KLHL29: variants seen among roughly 807,000 people sequenced by gnomAD.
KLHL29 encodes the protein kelch-like protein 29.
In KLHL29, 21 loss-of-function variants were observed where a neutral mutation model predicts 80.4. The ratio of observed to expected loss-of-function variants is 0.26; its 90% confidence interval spans 0.19 to 0.38. KLHL29 has a LOEUF of 0.38. Ranked by LOEUF, KLHL29 falls within the 10% of genes least tolerant of loss-of-function variation. KLHL29 has a pLI of 1.00. For synonymous variants in KLHL29, 511 were observed against 526.8 expected, an observed-to-expected ratio of 0.97 and a Z score of 0.41; for missense variants, 867 against 1,223.9, an observed-to-expected ratio of 0.71 and a Z score of 4.35.
intron 2 of KLHL29, among the ~76,000 whole-genome samples, chr2:23,557,019 C>T (rs1162479664): frequency 6.6e-6 from 1 of 152,220 alleles, no homozygotes; most frequent in Non-Finnish European, 1.5e-5. Flanking sequence ...GCTCTGTCCC[C>T]CTTGGTGAAG....
intron 1 of KLHL29, among the ~76,000 whole-genome samples, chr2:23,432,770 G>A (rs531446326): frequency 1.8e-4 from 28 of 152,354 alleles, no homozygotes; most frequent in African/African-American, 6.0e-4. Context: ...CCCTGAGGCT[G>A]GAAAGGCAAC....
intron 6 of KLHL29, chr2:23,688,717 G>A: frequency 6.6e-6 from 1 of 152,160 alleles, no homozygotes; most frequent in Non-Finnish European, 1.5e-5. Flanking sequence ...CCCTGCGTCA[G>A]CTTCATAGAG....
chr2:23,666,937 C>G (rs1451205448), intron 5 of KLHL29, among the ~76,000 whole-genome samples: 1 of 152,260 alleles, frequency 6.6e-6, no homozygotes, highest in Non-Finnish European at 1.5e-5. Context: ...CAGTTGCTCC[C>G]AATCCCTCCC....
intron 1 of KLHL29, among the ~76,000 whole-genome samples, chr2:23,469,645 T>C (rs1399920096): frequency 6.6e-6 from 1 of 152,112 alleles, no homozygotes; most frequent in Non-Finnish European, 1.5e-5. Flanking sequence ...CATCAACCTA[T>C]GGTGTGAACA....
At chr2:23,403,841 C>T (rs955552657) in intron 1 of KLHL29, among the ~76,000 whole-genome samples, 1 of 150,298 alleles carries the variant, frequency 6.7e-6, no homozygotes, top group Non-Finnish European at 1.5e-5. Flanking sequence ...AGCGTGTGTG[C>T]GTGTGTGTGC....
intron 3 of KLHL29, among the ~76,000 whole-genome samples, chr2:23,630,989 A>T (rs1223809704): frequency 6.6e-6 from 1 of 152,202 alleles, no homozygotes; most frequent in Admixed American, 6.5e-5. Context: ...ACAGTGATCC[A>T]GTGAGAAAGG....
At chr2:23,524,101 G>T (rs1294351853) in intron 2 of KLHL29, 1 of 465,528 alleles carries the variant, frequency 2.1e-6, no homozygotes, top group East Asian at 7.0e-5. Context: ...TGACACCTCA[G>T]TGTCGTAGGT....
intron 3 of KLHL29, among the ~76,000 whole-genome samples, chr2:23,626,753 G>A (rs1357040753): frequency 6.6e-6 from 1 of 152,194 alleles, no homozygotes; most frequent in Admixed American, 6.5e-5. Context: ...GCAGGCGATG[G>A]GCCCCAGCGC....
intron 2 of KLHL29, among the ~76,000 whole-genome samples, chr2:23,478,540 A>G (rs1664697631): frequency 6.6e-6 from 1 of 152,150 alleles, no homozygotes; most frequent in Non-Finnish European, 1.5e-5. Context: ...AGAAGGCCAT[A>G]CTGGAACCAG....
intron 1 of KLHL29, among the ~76,000 whole-genome samples, chr2:23,408,623 C>T (rs923164417): frequency 6.6e-5 from 10 of 152,136 alleles, no homozygotes; most frequent in African/African-American, 2.2e-4. Context: ...AATGTTTGTA[C>T]ATTGATTTTG....
chr2:23,643,000 C>A, intron 5 of KLHL29, 150 bp downstream of exon 5: 3 of 914,102 alleles, frequency 3.3e-6, no homozygotes, highest in Non-Finnish European at 5.3e-6. Flanking sequence ...TCCACCTGCC[C>A]AAGACAACTG....
intron 1 of KLHL29, among the ~76,000 whole-genome samples, chr2:23,406,008 TAAC>T (rs1453226622): frequency 1.3e-5 from 2 of 152,152 alleles, no homozygotes; most frequent in Admixed American, 6.5e-5. Context: ...TGTTCAGGTA[TAAC>T]AACAAAGTAA....
intron 3 of KLHL29, among the ~76,000 whole-genome samples, chr2:23,597,383 G>GTGTATATATATA (rs1444343783): frequency 1.7e-4 from 4 of 23,576 alleles, no homozygotes; most frequent in African/African-American, 5.5e-4. Context: ...GTGTGTGTGT[G>GTGTATATATATA]TATATATATA....
chr2:23,673,639 C>T lies in KLHL29; in HGVS notation c.941-10760C>T, dbSNP rs190761823. Among the ~76,000 whole-genome samples, 48 of 151,308 alleles carry T rather than the reference C, an allele frequency of 3.2e-4. No homozygotes were observed. The East Asian group carries it at 8.8e-3, about 28-fold the overall frequency. ...ACCTCCTCTCACACACACACATACA[C>T]ACACACCCCTACACAGACACATACA... On this transcript the variant is annotated intron_variant, in intron 5 of 13. Transcript: ENST00000486442.
intron 3 of KLHL29, among the ~76,000 whole-genome samples, chr2:23,569,486 T>G (rs1667665414): frequency 6.6e-6 from 1 of 152,240 alleles, no homozygotes; most frequent in South Asian, 2.1e-4. Context: ...GTTTTCCCTG[T>G]TTCGTTTAAT....
chr2:23,653,113 C>T (rs1210178492), intron 5 of KLHL29, among the ~76,000 whole-genome samples: 5 of 152,168 alleles, frequency 3.3e-5, no homozygotes, highest in Admixed American at 6.5e-5. Flanking sequence ...CCGTCTGCTC[C>T]GTTCAAACCC....
Position 23,514,258 on chromosome 2 carries a change from G to T in KLHL29, c.-46+38591G>T, listed in dbSNP as rs80181183. Among the ~76,000 whole-genome samples the T allele has an allele frequency of 2.3e-4, 35 of 152,308 alleles. No homozygotes were observed. The East Asian group carries it at 6.6e-3, about 29-fold the overall frequency. On this transcript the variant is annotated intron_variant, in intron 2 of 13. Coordinates refer to ENST00000486442, the MANE Select transcript of KLHL29 (RefSeq NM_052920.2). ...GCCTGTTTTTCATCTGAGGAGCTGGGCATCAGGCTTCCCACTTTCCAGTTC... is the reference window on the plus strand; with the variant it reads ...GCCTGTTTTTCATCTGAGGAGCTGGTCATCAGGCTTCCCACTTTCCAGTTC...
At chr2:23,523,979 T>C (rs1448006750) in intron 2 of KLHL29, 1 of 471,520 alleles carries the variant, frequency 2.1e-6, no homozygotes, top group African/African-American at 2.0e-5. Flanking sequence ...CATGCGTCTT[T>C]CGGGAGCTTG....
chr2:23,414,440 G>A (rs1666939236), intron 1 of KLHL29, among the ~76,000 whole-genome samples: 1 of 152,248 alleles, frequency 6.6e-6, no homozygotes, highest in Admixed American at 6.5e-5. Flanking sequence ...GAAATTAACA[G>A]ACAGTGAGTA....
Sources: gnomAD v4.1 joint callset for allele counts (sites outside exome capture counted in the v4.1 genomes callset) on GRCh38, gnomAD v4.1.1 for gene constraint, MANE v1.5 for transcripts, NCBI Gene and HGNC (gene_info 2026-07-23, HGNC 2026-07-21) for gene names.